Variants in KCNK13 observed in about 807,000 individuals in gnomAD.
KCNK13 encodes the protein potassium two pore domain channel subfamily K member 13.
A neutral mutation model predicts 23.4 loss-of-function variants in KCNK13; 12 were observed. The ratio of observed to expected loss-of-function variants is 0.51; its 90% confidence interval spans 0.33 to 0.83. The LOEUF (loss-of-function observed/expected upper bound fraction) is 0.83, where lower values mean the gene tolerates loss of function less well. Ranked by LOEUF, KCNK13 falls within the 40% of genes least tolerant of loss-of-function variation. The pLI, the probability that KCNK13 is intolerant of heterozygous loss-of-function variation, is 0.02. For missense variants in KCNK13, 463 were observed against 556.3 expected, an observed-to-expected ratio of 0.83 and a Z score of 1.69; for synonymous variants, 231 against 229.5, an observed-to-expected ratio of 1.01 and a Z score of -0.06.
chr14:90,180,171 T>C (rs1176681241), intron 1 of KCNK13, among the ~76,000 whole-genome samples: 4 of 152,200 alleles, frequency 2.6e-5, no homozygotes, highest in Admixed American at 2.6e-4. Flanking sequence ...TCAGCTTCTG[T>C]AGTTTTTTTC....
chr14:90,142,299 T>C (rs1890016801), intron 1 of KCNK13, among the ~76,000 whole-genome samples: 1 of 151,270 alleles, frequency 6.6e-6, no homozygotes, highest in Admixed American at 6.6e-5. Flanking sequence ...TTTTCTTGTT[T>C]TGGCTGTCCA....
chr14:90,142,975 G>T (rs564119883), intron 1 of KCNK13, among the ~76,000 whole-genome samples: 1 of 152,244 alleles, frequency 6.6e-6, no homozygotes, highest in Non-Finnish European at 1.5e-5. Flanking sequence ...GGAAGATAAG[G>T]GCTAAAGGGC....
At chr14:90,116,663 G>T (rs1889680520) in intron 1 of KCNK13, among the ~76,000 whole-genome samples, 1 of 152,166 alleles carries the variant, frequency 6.6e-6, no homozygotes, top group African/African-American at 2.4e-5. Context: ...CTTCGGGTTT[G>T]CAAAGGTTCC....
rs1566957619 is a variant in KCNK13, at chr14:90,133,365, G to A, written c.335-50746G>A. Among the ~76,000 whole-genome samples the A allele has an allele frequency of 3.3e-5, 5 of 152,134 alleles. No homozygotes were observed. The South Asian group carries it at 8.3e-4, about 25-fold the overall frequency. On this transcript the variant is annotated intron_variant, in intron 1 of 1. Transcript: ENST00000282146. ...AGAGACAGAAGGTAGATTAGTGGTT[G>A]CCTATGGGATGGGAGTTTAAGAGGA... is the stretch of plus-strand genomic sequence containing the variant.
At chr14:90,150,822 G>A (rs910775217) in intron 1 of KCNK13, among the ~76,000 whole-genome samples, 1 of 152,130 alleles carries the variant, frequency 6.6e-6, no homozygotes, top group Non-Finnish European at 1.5e-5. Flanking sequence ...GCTTAAAAGT[G>A]TGTGGCATGA....
chr14:90,088,328 T>A (rs1889304598), intron 1 of KCNK13, among the ~76,000 whole-genome samples: 1 of 135,060 alleles, frequency 7.4e-6, no homozygotes, highest in Non-Finnish European at 1.6e-5. Flanking sequence ...ACAACAAGCT[T>A]AAAAAGAAAG....
intron 1 of KCNK13, among the ~76,000 whole-genome samples, chr14:90,148,957 T>A (rs1890104303): frequency 6.6e-6 from 1 of 152,192 alleles, no homozygotes; most frequent in Non-Finnish European, 1.5e-5. Context: ...CAGTTGTGCC[T>A]CCCTGAAAGA....
At chr14:90,150,108 G>T (rs74080615) in intron 1 of KCNK13, among the ~76,000 whole-genome samples, 2 of 152,108 alleles carry the variant, frequency 1.3e-5, no homozygotes, top group African/African-American at 4.8e-5. Context: ...CAGAGATTTC[G>T]TGGAATTGTA....
At chr14:90,080,826 T>A (rs913381961) in intron 1 of KCNK13, among the ~76,000 whole-genome samples, 9 of 152,188 alleles carry the variant, frequency 5.9e-5, no homozygotes, top group Admixed American at 2.6e-4. Context: ...AAAAAAAATC[T>A]GTGACCCTGG....
At chr14:90,099,570 A>G (rs1224511137) in intron 1 of KCNK13, among the ~76,000 whole-genome samples, 3 of 152,190 alleles carry the variant, frequency 2.0e-5, no homozygotes, top group Admixed American at 6.5e-5. Context: ...GGCTGTATAT[A>G]TAGCATCAAG....
At position 90,087,967 on chromosome 14, in the gene KCNK13, A is replaced by G. The variant is rs141838800; in HGVS notation, c.334+25428A>G. 7.9e-5 allele frequency among the ~76,000 whole-genome samples: 12 copies of G among 152,116 alleles called. No individual in the cohort carries two copies. In the East Asian group the frequency reaches 1.2e-3, roughly 15 times the overall value. Reference sequence around the variant, plus strand: ...TATAATATTGCTTCTTGGTGATTCAATGCTACTTCTTGCTTAAGTTTATTT... The same window carrying G: ...TATAATATTGCTTCTTGGTGATTCAGTGCTACTTCTTGCTTAAGTTTATTT... On this transcript the variant is annotated intron_variant, in intron 1 of 1. Coordinates refer to ENST00000282146, the MANE Select transcript of KCNK13 (RefSeq NM_022054.4).
chr14:90,158,520 C>CAGG (rs1890219355), intron 1 of KCNK13, among the ~76,000 whole-genome samples: 1 of 152,198 alleles, frequency 6.6e-6, no homozygotes, highest in South Asian at 2.1e-4. Flanking sequence ...GGGAAAACAC[C>CAGG]AGGATGGGCA....
At chr14:90,077,416 C>T (rs537756120) in intron 1 of KCNK13, among the ~76,000 whole-genome samples, 2 of 152,244 alleles carry the variant, frequency 1.3e-5, no homozygotes, top group South Asian at 2.1e-4. Context: ...CCACCATGCC[C>T]GGCCAATCCT....
chr14:90,125,536 T>G (rs2140419406), intron 1 of KCNK13, among the ~76,000 whole-genome samples: 1 of 151,972 alleles, frequency 6.6e-6, no homozygotes, highest in Middle Eastern at 3.4e-3. Context: ...CTACTTAATT[T>G]TAATATGAAA....
At chr14:90,094,929 G>A (rs1889393231) in intron 1 of KCNK13, among the ~76,000 whole-genome samples, 1 of 152,144 alleles carries the variant, frequency 6.6e-6, no homozygotes, top group Non-Finnish European at 1.5e-5. Flanking sequence ...TTACAGGCGT[G>A]AGCCACCATG....
rs141150570 is a variant in KCNK13, at chr14:90,140,865, A to G, written c.335-43246A>G. Among the ~76,000 whole-genome samples, 867 of 152,310 alleles carry G rather than the reference A, an allele frequency of 5.7e-3. 12 individuals are homozygous for G. Among genetic ancestry groups the G allele is most frequent in the African/African-American group, 0.019 (804 of 41,562 alleles). ...ACTTTTGGCAGAATTCAGATTAAGG[A>G]AGTAAATGATGGCAACTTAAAGGCA... On this transcript the variant is annotated intron_variant, in intron 1 of 1. Coordinates refer to ENST00000282146, the MANE Select transcript of KCNK13 (RefSeq NM_022054.4).
At chr14:90,109,126 G>A (rs1025041661) in intron 1 of KCNK13, among the ~76,000 whole-genome samples, 4 of 150,994 alleles carry the variant, frequency 2.6e-5, no homozygotes, top group African/African-American at 7.3e-5. Flanking sequence ...GCAGTGAGCC[G>A]AGGTTGCGCC....
intron 1 of KCNK13, among the ~76,000 whole-genome samples, chr14:90,089,087 GA>G (rs1172994957): frequency 7.2e-5 from 11 of 152,212 alleles, no homozygotes; most frequent in African/African-American, 2.7e-4. Context: ...GGGCATTGCT[GA>G]AAAGATACTT....
chr14:90,116,269 G>C (rs985884719), intron 1 of KCNK13, among the ~76,000 whole-genome samples: 1 of 152,078 alleles, frequency 6.6e-6, no homozygotes, highest in Non-Finnish European at 1.5e-5. Context: ...TTTGAAGCCT[G>C]CCTTTAAATC....
Sources: allele counts gnomAD v4.1 joint callset (sites outside exome capture counted in the v4.1 genomes callset), GRCh38; gene constraint gnomAD v4.1.1; transcripts MANE v1.5; gene names NCBI Gene and HGNC (gene_info 2026-07-23, HGNC 2026-07-21).